Variants in NUAK1 observed in about 807,000 individuals in gnomAD.
The protein encoded by NUAK1 is NUAK family kinase 1, also known as NUAK family SNF1-like kinase 1.
A neutral mutation model predicts 56.9 loss-of-function variants in NUAK1; 26 were observed. That is an observed-to-expected ratio of 0.46 (90% CI 0.33 to 0.63). NUAK1 has a LOEUF of 0.63. Ranked by LOEUF, NUAK1 falls within the 30% of genes least tolerant of loss-of-function variation. The pLI, the probability that NUAK1 is intolerant of heterozygous loss-of-function variation, is 0.02. For missense variants in NUAK1, 727 were observed against 876.1 expected, an observed-to-expected ratio of 0.83 and a Z score of 2.15; for synonymous variants, 337 against 336.0, an observed-to-expected ratio of 1.00 and a Z score of -0.03.
At chr12:106,121,119 A>C (rs2032969715) in intron 1 of NUAK1, among the ~76,000 whole-genome samples, 1 of 152,230 alleles carries the variant, frequency 6.6e-6, no homozygotes, top group Non-Finnish European at 1.5e-5. Flanking sequence ...CACATAGCGG[A>C]AAGAACCCAC....
At chr12:106,084,985 C>A (rs1433688232) in intron 3 of NUAK1, among the ~76,000 whole-genome samples, 1 of 152,214 alleles carries the variant, frequency 6.6e-6, no homozygotes, top group African/African-American at 2.4e-5. Context: ...TCCAAAAGCA[C>A]TGCTCAGAGG....
intron 1 of NUAK1, among the ~76,000 whole-genome samples, chr12:106,113,705 C>T (rs77757283): frequency 0.026 from 3,867 of 149,610 alleles, 163 homozygotes; most frequent in African/African-American, 0.091. Context: ...ATTAATGAAC[C>T]TTCCATTTAT....
At chr12:106,101,873 C>A (rs1055437440) in intron 2 of NUAK1, among the ~76,000 whole-genome samples, 1 of 152,076 alleles carries the variant, frequency 6.6e-6, no homozygotes. Flanking sequence ...TCACGTTCAG[C>A]GCTGGATCTT....
At chr12:106,086,521 G>A (rs182262576) in intron 3 of NUAK1, among the ~76,000 whole-genome samples, 1 of 152,284 alleles carries the variant, frequency 6.6e-6, no homozygotes, top group Admixed American at 6.5e-5. Context: ...TGAGAAGGAG[G>A]AGGAAGAAGA....
chr12:106,122,001 G>A (rs1011686367), intron 1 of NUAK1, among the ~76,000 whole-genome samples: 5 of 152,224 alleles, frequency 3.3e-5, no homozygotes, highest in Non-Finnish European at 5.9e-5. Flanking sequence ...TCTTGTGTGC[G>A]ACACTTTCTC....
intron 2 of NUAK1, chr12:106,106,038 C>T (rs2032796333): frequency 6.2e-6 from 1 of 162,480 alleles, no homozygotes. Context: ...AAGCGACTGG[C>T]TTTGGGGAAT....
chr12:106,122,449 A>G (rs922422906), intron 1 of NUAK1, among the ~76,000 whole-genome samples: 8 of 152,336 alleles, frequency 5.3e-5, no homozygotes, highest in Admixed American at 3.9e-4. Flanking sequence ...TAGGGTTACC[A>G]TGGGGATGAA....
chr12:106,123,959 CCAAA>C (rs2033002594), intron 1 of NUAK1, among the ~76,000 whole-genome samples: 1 of 152,166 alleles, frequency 6.6e-6, no homozygotes, highest in Non-Finnish European at 1.5e-5. Flanking sequence ...GGTGGCTAAT[CCAAA>C]CATTTCATAA....
At position 106,077,041 on chromosome 12, in the gene NUAK1, C is replaced by T. The variant is rs1038875887; in HGVS notation, c.580-4198G>A. 2.0e-5 allele frequency among the ~76,000 whole-genome samples: 3 copies of T among 152,334 alleles called. No homozygotes were observed. In the South Asian group the frequency reaches 6.2e-4, roughly 32 times the overall value. ...CACCATAAAAGGATTAACTCCAGAA[C>T]ACTGTTTATAATGAGCTCATCTGGT... is the stretch of plus-strand genomic sequence containing the variant. On this transcript the variant is annotated intron_variant, in intron 4 of 6. Coordinates refer to ENST00000261402, the MANE Select transcript of NUAK1 (RefSeq NM_014840.3).
chr12:106,112,988 T>TA (rs1048748562), intron 1 of NUAK1, among the ~76,000 whole-genome samples: 9 of 152,186 alleles, frequency 5.9e-5, no homozygotes, highest in South Asian at 2.1e-4. Context: ...TCTCCTGCCA[T>TA]AAAAAATGCA....
Position 106,138,305 on chromosome 12 carries a change from C to G in NUAK1, c.240+109G>C. The G allele has an allele frequency of 3.5e-6, 5 of 1,412,686 alleles. No homozygotes were observed. Among genetic ancestry groups the G allele is most frequent in the Non-Finnish European group, 4.7e-6 (5 of 1,073,060 alleles). The allele number at this position is 1,412,686 out of a possible 1,614,324, so 87.5% of individuals were successfully genotyped here. ...GTCTCGGGGCTTCCCAATGAGCCCC[C>G]TCTCTGTCAAGAGAGCCCCAGGGCG... On this transcript the variant is annotated intron_variant, in intron 1 of 6. Transcript: ENST00000261402. This position sits in a 1 kb window ranked among gnomAD's most constrained non-coding sequence, Gnocchi z 5.0.
At chr12:106,122,475 G>A (rs556438670) in intron 1 of NUAK1, among the ~76,000 whole-genome samples, 4 of 152,194 alleles carry the variant, frequency 2.6e-5, no homozygotes, top group African/African-American at 9.7e-5. Context: ...GTCAGTGACT[G>A]ACATGCTTAG....
At chr12:106,078,575 A>G (rs1170082283) in intron 4 of NUAK1, among the ~76,000 whole-genome samples, 1 of 152,170 alleles carries the variant, frequency 6.6e-6, no homozygotes, top group Non-Finnish European at 1.5e-5. Context: ...CCGGCCTTGG[A>G]GTTGATCGCT....
intron 1 of NUAK1, among the ~76,000 whole-genome samples, chr12:106,122,006 T>C (rs188550668): frequency 2.2e-4 from 34 of 152,196 alleles, no homozygotes; most frequent in African/African-American, 8.2e-4. Flanking sequence ...TGTGCGACAC[T>C]TTCTCAGAAA....
At chr12:106,097,619 A>G (rs991159898) in intron 2 of NUAK1, among the ~76,000 whole-genome samples, 2 of 152,234 alleles carry the variant, frequency 1.3e-5, no homozygotes. Flanking sequence ...CTGTTTGTAG[A>G]TATTTCCAAG....
At chr12:106,134,527 C>G (rs1156308528) in intron 1 of NUAK1, among the ~76,000 whole-genome samples, 2 of 152,216 alleles carry the variant, frequency 1.3e-5, no homozygotes, top group African/African-American at 4.8e-5. Context: ...CAGACTCCCC[C>G]CCAGGGACCC....
chr12:106,083,513 T>G (rs1565920417), intron 4 of NUAK1, among the ~76,000 whole-genome samples: 1 of 152,218 alleles, frequency 6.6e-6, no homozygotes, highest in African/African-American at 2.4e-5. Context: ...ATTTAAGTGA[T>G]AGCAGGCAAA....
chr12:106,102,622 A>T (rs1441783826), intron 2 of NUAK1, among the ~76,000 whole-genome samples: 3 of 152,198 alleles, frequency 2.0e-5, no homozygotes, highest in Admixed American at 2.0e-4. Context: ...GTTATGAACT[A>T]TTTGTGATGA....
chr12:106,108,347 C>T (rs952336937), intron 1 of NUAK1, among the ~76,000 whole-genome samples: 4 of 152,186 alleles, frequency 2.6e-5, no homozygotes. Flanking sequence ...CACCTCCCTT[C>T]GACCCTGGGT....
Sources: gnomAD v4.1 joint callset for allele counts (sites outside exome capture counted in the v4.1 genomes callset) on GRCh38, gnomAD v4.1.1 for gene constraint, Gnocchi (gnomAD v3.1) non-coding constraint, MANE v1.5 for transcripts, NCBI Gene and HGNC (gene_info 2026-07-23, HGNC 2026-07-21) for gene names.